LIN28B: variants seen among roughly 807,000 people sequenced by gnomAD.
LIN28B encodes the protein protein lin-28 homolog B.
Under a neutral mutation model 21.9 loss-of-function variants are expected in LIN28B, and 5 were observed. The observed-to-expected ratio is 0.23, with a 90% CI of 0.12 to 0.48. LIN28B has a LOEUF of 0.48. LIN28B is among the 20% of genes least tolerant of loss of function. The pLI is 0.98. For missense variants in LIN28B, 245 were observed against 310.5 expected, an observed-to-expected ratio of 0.79 and a Z score of 1.58; for synonymous variants, 109 against 111.3, an observed-to-expected ratio of 0.98 and a Z score of 0.13.
chr6:104,968,195 C>T (rs1409541643), intron 2 of LIN28B, among the ~76,000 whole-genome samples: 1 of 152,018 alleles, frequency 6.6e-6, no homozygotes, highest in African/African-American at 2.4e-5. Context: ...CCAGTTAATT[C>T]TCATTGTTTG....
At chr6:105,023,717 A>G (rs1352332020) in intron 2 of LIN28B, among the ~76,000 whole-genome samples, 3 of 123,410 alleles carry the variant, frequency 2.4e-5, no homozygotes, top group African/African-American at 9.3e-5. Context: ...GGGGAGGGGG[A>G]CATATATGAT....
intron 3 of LIN28B, among the ~76,000 whole-genome samples, chr6:105,064,225 T>C (rs1772180271): frequency 6.6e-6 from 1 of 152,232 alleles, no homozygotes. Context: ...AAAGAATTTA[T>C]TGAACACAGT....
At chr6:105,027,640 TAC>T (rs1771315187) in intron 3 of LIN28B, among the ~76,000 whole-genome samples, 1 of 152,058 alleles carries the variant, frequency 6.6e-6, no homozygotes, top group Non-Finnish European at 1.5e-5. Flanking sequence ...TTGAATTTTT[TAC>T]AGACAAGTCT....
At chr6:104,947,984 A>G (rs1431006194) in intron 2 of LIN28B, among the ~76,000 whole-genome samples, 3 of 152,142 alleles carry the variant, frequency 2.0e-5, no homozygotes, top group Admixed American at 2.0e-4. Context: ...ACAGTACACT[A>G]TTACATGGTA....
At chr6:105,053,714 C>CATGTGTGTGTGTGT (rs61525783) in intron 3 of LIN28B, among the ~76,000 whole-genome samples, 2,053 of 147,356 alleles carry the variant, frequency 0.014, 22 homozygotes, top group African/African-American at 0.018. Flanking sequence ...TGTGTGGGTG[C>CATGTGTGTGTGTGT]GTGTGTGTGT....
chr6:105,002,036 C>T (rs964455783), intron 2 of LIN28B, among the ~76,000 whole-genome samples: 5 of 152,094 alleles, frequency 3.3e-5, no homozygotes, highest in African/African-American at 1.2e-4. Flanking sequence ...TACATGTATC[C>T]AGCAACTTTA....
rs1263192313 is a variant in LIN28B at position 104,939,799 on chromosome 6, C to G, written c.18+2683C>G. On this transcript the variant is annotated intron_variant, in intron 2 of 5. Transcript: ENST00000635857. ...CCTTTAGTCAGTTCCACAGAACAGT[C>G]CAGATTACAAGGCGATATTCGATTT... Among the ~76,000 whole-genome samples the G allele has an allele frequency of 3.3e-5, 5 of 152,148 alleles. 1 individual carries two copies. The highest frequency in any genetic ancestry group is 7.4e-5 in the Non-Finnish European group (5 of 68,020).
intron 3 of LIN28B, among the ~76,000 whole-genome samples, chr6:105,058,879 C>G (rs918252249): frequency 1.3e-5 from 2 of 152,092 alleles, no homozygotes; most frequent in Non-Finnish European, 2.9e-5. Flanking sequence ...TACCTGTTCA[C>G]GTCCATTGTC....
At chr6:105,078,304 C>T in intron 3 of LIN28B, 110 bp from the exon 4 acceptor site, 1 of 988,172 alleles carries the variant, frequency 1.0e-6, no homozygotes, top group Non-Finnish European at 1.5e-6. Flanking sequence ...TAAGAAGGCA[C>T]ATTAAAATAA....
chr6:105,029,229 A>G (rs573392108), intron 3 of LIN28B, among the ~76,000 whole-genome samples: 2 of 152,208 alleles, frequency 1.3e-5, no homozygotes, highest in Non-Finnish European at 2.9e-5. Flanking sequence ...AATAAATGGG[A>G]GGAAAGAAAC....
intron 3 of LIN28B, among the ~76,000 whole-genome samples, chr6:105,046,285 C>G (rs375816027): frequency 7.2e-5 from 11 of 151,962 alleles, no homozygotes; most frequent in Non-Finnish European, 1.6e-4. Context: ...TTTGTCCTTG[C>G]GATAGTTTGC....
intron 2 of LIN28B, among the ~76,000 whole-genome samples, chr6:105,023,837 A>G (rs1271513048): frequency 6.7e-6 from 1 of 149,348 alleles, no homozygotes. Flanking sequence ...CACTTATAAG[A>G]TACCTATCAA....
intron 2 of LIN28B, among the ~76,000 whole-genome samples, chr6:104,943,865 T>A (rs1339778625): frequency 6.6e-6 from 1 of 152,188 alleles, no homozygotes; most frequent in Non-Finnish European, 1.5e-5. Flanking sequence ...GGTTGATTTA[T>A]ATGAATAAGT....
At chr6:104,955,469 A>G (rs1195362175), upstream of LIN28B, among the ~76,000 whole-genome samples, 1 of 152,246 alleles carries the variant, frequency 6.6e-6, no homozygotes, top group East Asian at 1.9e-4. Flanking sequence ...TTTTATCAAA[A>G]ACAGCTGAAA....
rs939917523 is a variant in LIN28B, at chr6:104,992,019, G to A, written c.198+33733G>A. 3.3e-5 allele frequency among the ~76,000 whole-genome samples: 5 copies of A among 151,720 alleles called. No individual in the cohort carries two copies. The South Asian group carries it at 6.3e-4, about 19-fold the overall frequency. On this transcript the variant is annotated intron_variant, in intron 2 of 3. Transcript: ENST00000345080. ...ACCGTGGAAAGAGGGAGGGGGAGGG[G>A]GAGGGAGAATTTTAGTCTTTTAATT...
chr6:105,020,344 A>ATT (rs111695532), intron 2 of LIN28B, among the ~76,000 whole-genome samples: 16 of 145,288 alleles, frequency 1.1e-4, no homozygotes, highest in African/African-American at 2.3e-4. Flanking sequence ...TACAGCAAGG[A>ATT]TTTTTTTTTT....
chr6:105,064,257 G>T lies in LIN28B; in HGVS notation c.384-14157G>T, dbSNP rs141501571. The stretch of plus-strand genomic sequence containing the variant: ...CAGTTAAGTGAGAGAACCAAATGTT[G>T]TAACTTGTTCAAAGGAGAATCAAAG... On this transcript the variant is annotated intron_variant, in intron 3 of 3. Transcript: ENST00000345080. 1.1e-3 allele frequency among the ~76,000 whole-genome samples: 170 copies of T among 152,290 alleles called. 1 individual carries two copies. The East Asian group carries it at 0.027, about 25-fold the overall frequency.
At chr6:105,078,247 G>A (rs1321308800) in intron 3 of LIN28B, among the ~76,000 whole-genome samples, 167 bp from the exon 4 acceptor site, 1 of 152,166 alleles carries the variant, frequency 6.6e-6, no homozygotes, top group East Asian at 1.9e-4. Flanking sequence ...GGTGATGATA[G>A]TCTTTGAACC....
At chr6:105,074,864 C>A (rs910379735) in intron 3 of LIN28B, among the ~76,000 whole-genome samples, 1 of 152,084 alleles carries the variant, frequency 6.6e-6, no homozygotes, top group Non-Finnish European at 1.5e-5. Context: ...CCCCGCCACA[C>A]CTGGCTAATT....
Sources: gnomAD v4.1 joint callset for allele counts (sites outside exome capture counted in the v4.1 genomes callset) on GRCh38, gnomAD v4.1.1 for gene constraint, MANE v1.5 for transcripts, NCBI Gene and HGNC (gene_info 2026-07-23, HGNC 2026-07-21) for gene names.